The following NARS2 variants were observed in gnomAD, a reference collection of about 807,000 sequenced individuals.
NARS2 encodes asparaginyl-tRNA synthetase 2, mitochondrial, also known as asparaginyl-tRNA synthetase.
Under a neutral mutation model 62.9 loss-of-function variants are expected in NARS2, and 60 were observed. That is an observed-to-expected ratio of 0.95 (90% confidence interval 0.77 to 1.18). NARS2 has a LOEUF of 1.18. NARS2 is among the 50% of genes most tolerant of loss of function. NARS2 has a pLI of 0.00. For synonymous variants in NARS2, 196 were observed against 200.0 expected, an observed-to-expected ratio of 0.98 and a Z score of 0.17; for missense variants, 619 against 576.4, an observed-to-expected ratio of 1.07 and a Z score of -0.76.
chr11:78,441,462 A>G (rs1462736540), intron 12 of NARS2, among the ~76,000 whole-genome samples: 1 of 152,242 alleles, frequency 6.6e-6, no homozygotes, highest in Non-Finnish European at 1.5e-5. Flanking sequence ...CTGTAATCCC[A>G]GCACTTTGGG....
At chr11:78,472,444 C>T (rs1858915833) in intron 9 of NARS2, among the ~76,000 whole-genome samples, 1 of 152,050 alleles carries the variant, frequency 6.6e-6, no homozygotes, top group African/African-American at 2.4e-5. Flanking sequence ...AATTCACACA[C>T]AAAGATAAAT....
At chr11:78,537,488 T>A (rs1254497296) in intron 5 of NARS2, among the ~76,000 whole-genome samples, 8 of 152,176 alleles carry the variant, frequency 5.3e-5, no homozygotes, top group Admixed American at 2.6e-4. Flanking sequence ...AGTTTCAGAA[T>A]TAGATGATAA....
chr11:78,464,049 G>C (rs1858508968), intron 11 of NARS2, among the ~76,000 whole-genome samples: 1 of 152,176 alleles, frequency 6.6e-6, no homozygotes, highest in African/African-American at 2.4e-5. Flanking sequence ...GGCGCGTCCG[G>C]AGTTTGTTCC....
At chr11:78,486,555 C>T (rs1407270495) in intron 7 of NARS2, among the ~76,000 whole-genome samples, 2 of 152,184 alleles carry the variant, frequency 1.3e-5, no homozygotes, top group Admixed American at 1.3e-4. Flanking sequence ...GACATGGAGA[C>T]CAATGCCAAT....
At chr11:78,448,768 A>G (rs953956969) in intron 11 of NARS2, among the ~76,000 whole-genome samples, 3 of 152,210 alleles carry the variant, frequency 2.0e-5, no homozygotes, top group African/African-American at 7.2e-5. Context: ...AGATGAGGCA[A>G]TCCTTGGTAA....
chr11:78,440,302 G>C (rs946267719), intron 13 of NARS2, among the ~76,000 whole-genome samples: 2 of 152,064 alleles, frequency 1.3e-5, no homozygotes, highest in Non-Finnish European at 2.9e-5. Context: ...GACCTCAAGT[G>C]ATCCACCCAC....
chr11:78,443,108 G>C (rs1052814537), intron 12 of NARS2, among the ~76,000 whole-genome samples: 1 of 152,006 alleles, frequency 6.6e-6, no homozygotes, highest in Non-Finnish European at 1.5e-5. Context: ...GGCAGATCAC[G>C]AGGTCAGGAG....
intron 7 of NARS2, among the ~76,000 whole-genome samples, chr11:78,480,874 A>G (rs1859324448): frequency 6.6e-6 from 1 of 151,598 alleles, no homozygotes; most frequent in Admixed American, 6.6e-5. Flanking sequence ...AATGGAGTGC[A>G]GTGGTGCCAT....
chr11:78,556,923 T>G (rs1235082035), intron 5 of NARS2, among the ~76,000 whole-genome samples: 9 of 152,246 alleles, frequency 5.9e-5, no homozygotes, highest in African/African-American at 2.2e-4. Context: ...CCTTCCCTTA[T>G]CAACTCCTGC....
At chr11:78,503,131 G>A (rs1417684256) in intron 6 of NARS2, among the ~76,000 whole-genome samples, 1 of 152,036 alleles carries the variant, frequency 6.6e-6, no homozygotes, top group African/African-American at 2.4e-5. Flanking sequence ...TTAGACAAGT[G>A]AGTAAATAGT....
At chr11:78,464,487 G>C (rs1195190581) in intron 11 of NARS2, among the ~76,000 whole-genome samples, 1 of 152,132 alleles carries the variant, frequency 6.6e-6, no homozygotes, top group African/African-American at 2.4e-5. Flanking sequence ...TACAGTCCCT[G>C]AGCTAGACAC....
At chr11:78,559,023 G>C (rs1432436210) in intron 5 of NARS2, among the ~76,000 whole-genome samples, 3 of 152,002 alleles carry the variant, frequency 2.0e-5, no homozygotes, top group Non-Finnish European at 4.4e-5. Flanking sequence ...ATTCACTCTT[G>C]GCCAGGCATG....
In NARS2 at chr11:78,574,799, C is replaced by A; in HGVS notation, c.-311G>T. On this transcript the variant is annotated 5_prime_UTR_variant, in exon 1 of 14. Transcript: ENST00000281038. ...ACAATTGTAAACCTACGAACAGAAC[C>A]CGGGCCGCAACACGCGCAACCACTC... The A allele has an allele frequency of 3.1e-6, 1 of 319,720 alleles. No individual in the cohort carries two copies. The highest frequency in any genetic ancestry group is 5.8e-6 in the Non-Finnish European group (1 of 171,932). 19.8% of individuals were successfully genotyped at this position (319,720 alleles called of 1,614,324 possible).
intron 11 of NARS2, among the ~76,000 whole-genome samples, chr11:78,451,142 T>A (rs1455970059): frequency 3.9e-5 from 6 of 152,264 alleles, no homozygotes; most frequent in Non-Finnish European, 7.3e-5. Context: ...GAAGTTATAA[T>A]ACAGCAGAGT....
intron 6 of NARS2, among the ~76,000 whole-genome samples, chr11:78,501,070 T>G (rs990284023): frequency 6.6e-6 from 1 of 152,130 alleles, no homozygotes; most frequent in Non-Finnish European, 1.5e-5. Context: ...CCAGCCTAGG[T>G]GACAGAGTGA....
chr11:78,445,928 T>C (rs1449831857), intron 11 of NARS2, among the ~76,000 whole-genome samples: 1 of 152,148 alleles, frequency 6.6e-6, no homozygotes, highest in African/African-American at 2.4e-5. Flanking sequence ...CCACCTGTAC[T>C]CTAGTCTAGG....
chr11:78,534,980 A>T (rs879816220), intron 5 of NARS2, among the ~76,000 whole-genome samples: 3 of 152,246 alleles, frequency 2.0e-5, no homozygotes, highest in Non-Finnish European at 2.9e-5. Context: ...CTCTAAATTA[A>T]TACAGTATAT....
Position 78,574,485 on chromosome 11 carries a change from G to A in NARS2, c.4C>T (p.Leu2=), listed in dbSNP as rs1375008611. 2.5e-6 allele frequency: 4 copies of A among 1,610,582 alleles called. No individual in the cohort carries two copies. The highest frequency in any genetic ancestry group is 1.7e-6 in the Non-Finnish European group (2 of 1,178,718). M[L]GVRCLLRSVR... is the part of the protein sequence containing the mutation. ...GACCGCAGCAGGCAGCGGACCCCCA[G>A]CATCCCGCGTCCGCCCAGGCCCTCC... Residue 2 remains leucine, a synonymous_variant, in exon 1 of 14, where the codon CTG becomes TTG. Transcript: ENST00000281038.
At chr11:78,471,516 CTATCT>C (rs1858871065) in intron 9 of NARS2, among the ~76,000 whole-genome samples, 1 of 146,006 alleles carries the variant, frequency 6.8e-6, no homozygotes, top group Non-Finnish European at 1.5e-5. Flanking sequence ...GGAGATTGAA[CTATCT>C]TTTTTTTTCT....
Sources: allele counts gnomAD v4.1 joint callset (sites outside exome capture counted in the v4.1 genomes callset), GRCh38; gene constraint gnomAD v4.1.1; transcripts MANE v1.5; gene names NCBI Gene and HGNC (gene_info 2026-07-23, HGNC 2026-07-21).